The following SCAI variants were observed in gnomAD, a reference collection of about 807,000 sequenced individuals.
SCAI encodes suppressor of cancer cell invasion.
In SCAI, 24 loss-of-function variants were observed where a neutral mutation model predicts 92.2. The observed-to-expected ratio is 0.26, with a 90% CI of 0.19 to 0.37. The LOEUF is 0.37. Ranked by LOEUF, SCAI falls within the 10% of genes least tolerant of loss-of-function variation. The pLI is 1.00. For missense variants in SCAI, 450 were observed against 736.2 expected (o/e 0.61, Z 4.50); for synonymous variants, 261 against 258.6 (o/e 1.01, Z -0.09).
chr9:125,098,972 TAAA>T (rs909218744), intron 2 of SCAI, among the ~76,000 whole-genome samples: 1 of 146,580 alleles, frequency 6.8e-6, no homozygotes, highest in Non-Finnish European at 1.5e-5. Context: ...AATCACAGAT[TAAA>T]AAAAAAAAAT....
At chr9:125,015,080 T>C (rs1204011914) in intron 9 of SCAI, among the ~76,000 whole-genome samples, 1 of 152,096 alleles carries the variant, frequency 6.6e-6, no homozygotes. Context: ...ATAAAAACCC[T>C]AGAAGAAAAC....
rs1832443492 is a variant in SCAI at position 125,004,750 on chromosome 9, TATATATATATATATATATATA to T, written c.862-1201_862-1181del. On this transcript the variant is annotated intron_variant, in intron 9 of 17. Coordinates refer to ENST00000336505, the MANE Select transcript of SCAI (RefSeq NM_001144877.3). ...ACTGTGATCCATATATATATATATA[TATATATATATATATATATATA>T]TATATATATTTTTTTTTTTTTTTTT... is the stretch of plus-strand genomic sequence containing the variant. 5.1e-3 allele frequency among the ~76,000 whole-genome samples: 77 copies of T among 14,952 alleles called. 3 individuals are homozygous for T. The highest frequency in any genetic ancestry group is 0.017 in the Admixed American group (17 of 986). 9.8% of individuals were successfully genotyped at this position (14,952 alleles called of 152,430 possible). A position where few individuals can be genotyped will look rare whatever the true frequency, so the allele number is the denominator to read the frequency against.
chr9:125,130,390 T>C (rs534513068), intron 2 of SCAI, among the ~76,000 whole-genome samples: 2 of 152,302 alleles, frequency 1.3e-5, no homozygotes, highest in African/African-American at 2.4e-5. Flanking sequence ...AACTGTTCTA[T>C]ATTATGATTA....
intron 2 of SCAI, among the ~76,000 whole-genome samples, chr9:125,083,517 CAAAAAAAAA>C (rs560240303): frequency 4.1e-5 from 2 of 49,154 alleles, no homozygotes; most frequent in South Asian, 7.0e-4. Flanking sequence ...GACTCCATCT[CAAAAAAAAA>C]AAAAAAAAAA....
intron 2 of SCAI, among the ~76,000 whole-genome samples, chr9:125,088,650 T>A (rs2131191951): frequency 6.6e-6 from 1 of 152,258 alleles, no homozygotes; most frequent in African/African-American, 2.4e-5. Context: ...CCTAATATCT[T>A]AATTTTTTGT....
At chr9:124,978,790 C>T (rs1831812969) in intron 14 of SCAI, among the ~76,000 whole-genome samples, 1 of 151,882 alleles carries the variant, frequency 6.6e-6, no homozygotes, top group African/African-American at 2.4e-5. Context: ...TACAATAATA[C>T]AATGGAATAA....
At chr9:125,142,512 C>T (rs989157423) in intron 2 of SCAI, 121 bp downstream of exon 2, 1 of 729,966 alleles carries the variant, frequency 1.4e-6, no homozygotes, top group African/African-American at 1.8e-5. Flanking sequence ...TGGTTATATT[C>T]TTTTAAAAGG....
intron 17 of SCAI, chr9:124,968,282 C>T: frequency 8.7e-7 from 1 of 1,152,234 alleles, no homozygotes; most frequent in Non-Finnish European, 1.3e-6. Context: ...ATCCTTAAAA[C>T]CGGGCTGGGC....
chr9:125,124,713 A>C (rs868206355), intron 2 of SCAI, among the ~76,000 whole-genome samples: 1 of 152,316 alleles, frequency 6.6e-6, no homozygotes, highest in Middle Eastern at 3.4e-3. Context: ...TGTTTGACCA[A>C]ATGTCTGGGC....
intron 17 of SCAI, among the ~76,000 whole-genome samples, chr9:124,970,420 TA>T (rs960754108): frequency 6.0e-5 from 9 of 150,246 alleles, no homozygotes; most frequent in African/African-American, 2.0e-4. Flanking sequence ...AATGAATGAT[TA>T]AAAAAAAAAT....
intron 2 of SCAI, among the ~76,000 whole-genome samples, chr9:125,098,047 A>G (rs1345005853): frequency 6.6e-6 from 1 of 151,406 alleles, no homozygotes; most frequent in South Asian, 2.1e-4. Context: ...ACATATATAT[A>G]TGTGTATATA....
intron 9 of SCAI, among the ~76,000 whole-genome samples, chr9:125,005,943 C>A (rs148947357): frequency 3.3e-5 from 5 of 152,274 alleles, no homozygotes; most frequent in South Asian, 2.1e-4. Flanking sequence ...TGCTGATTCT[C>A]ATGTGGTTTG....
intron 3 of SCAI, among the ~76,000 whole-genome samples, chr9:125,045,376 T>A (rs767311363): frequency 4.5e-4 from 69 of 152,152 alleles, no homozygotes; most frequent in Non-Finnish European, 8.4e-4. Flanking sequence ...AGCTAATTTT[T>A]AAAATTTTCT....
intron 14 of SCAI, among the ~76,000 whole-genome samples, chr9:124,990,263 CG>C (rs1564369001): frequency 6.6e-6 from 1 of 151,786 alleles, no homozygotes; most frequent in East Asian, 1.9e-4. Flanking sequence ...CCGAGGTAGG[CG>C]GATCACCTCA....
chr9:125,033,414 C>T (rs1483264459), intron 3 of SCAI, among the ~76,000 whole-genome samples: 1 of 151,780 alleles, frequency 6.6e-6, no homozygotes, highest in Non-Finnish European at 1.5e-5. Flanking sequence ...AGGAAAACAG[C>T]CTGAATTAAA....
chr9:125,046,704 T>TAAA (rs11453000), intron 3 of SCAI, among the ~76,000 whole-genome samples: 2 of 144,536 alleles, frequency 1.4e-5, no homozygotes, highest in Admixed American at 6.9e-5. Flanking sequence ...TACTGAAATT[T>TAAA]AAAAAAAAAA....
chr9:125,101,416 C>T (rs1191617544), intron 2 of SCAI, among the ~76,000 whole-genome samples: 1 of 152,114 alleles, frequency 6.6e-6, no homozygotes, highest in Non-Finnish European at 1.5e-5. Flanking sequence ...AGAGATAGAG[C>T]TGAGACTTAC....
intron 17 of SCAI, among the ~76,000 whole-genome samples, chr9:124,964,864 T>C (rs1831507976): frequency 6.6e-6 from 1 of 152,246 alleles, no homozygotes; most frequent in African/African-American, 2.4e-5. Flanking sequence ...TCAAGGTGCA[T>C]TAGCAGCTTT....
rs1290423369 is a variant in SCAI at position 124,946,980 on chromosome 9, C to T, written c.*5827G>A. On this transcript the variant is annotated 3_prime_UTR_variant, in exon 18 of 18. Transcript: ENST00000336505. The surrounding 1 kb of genome is among the most constrained non-coding windows in gnomAD (Gnocchi z 4.0). ...GCAAATATACAAATTAACAACCTCC[C>T]GTTCCTCACTAAATCCTATCCTACT... The T allele has an allele frequency of 5.3e-5, 8 of 152,152 alleles. No individual in the cohort carries two copies. The highest frequency in any genetic ancestry group is 5.2e-4 in the Admixed American group (8 of 15,274). 9.4% of individuals were successfully genotyped at this position (152,152 alleles called of 1,614,324 possible).
Sources: allele counts gnomAD v4.1 joint callset (sites outside exome capture counted in the v4.1 genomes callset), GRCh38; gene constraint gnomAD v4.1.1; non-coding constraint Gnocchi (gnomAD v3.1); transcripts MANE v1.5; gene names NCBI Gene and HGNC (gene_info 2026-07-23, HGNC 2026-07-21).